DPY19L4: variants seen among roughly 807,000 people sequenced by gnomAD.
The protein encoded by DPY19L4 is dpy-19 like 4, also known as probable C-mannosyltransferase DPY19L4.
A neutral mutation model predicts 102.8 loss-of-function variants in DPY19L4; 97 were observed. The observed-to-expected ratio is 0.94, with a 90% confidence interval of 0.80 to 1.12. The LOEUF is 1.12. Among genes scored for constraint, DPY19L4 ranks in the 50% most tolerant of loss-of-function variants. The pLI is 0.00. For missense variants in DPY19L4, 815 were observed against 850.4 expected, an observed-to-expected ratio of 0.96 and a Z score of 0.52; for synonymous variants, 252 against 283.1, an observed-to-expected ratio of 0.89 and a Z score of 1.10.
Position 94,787,879 on chromosome 8 carries a change from A to G in DPY19L4, c.1849-15A>G. ...ATTATATTCTTTCAGTTTTATTTTA[A>G]TTATATTCTTTCAGATCTACCAAAT... On this transcript the variant is annotated splice_polypyrimidine_tract_variant and intron_variant, in intron 17 of 18. Transcript: ENST00000414645. 2.3e-6 allele frequency: 3 copies of G among 1,308,930 alleles called. No individual in the cohort carries two copies. The South Asian group carries it at 6.8e-5, about 30-fold the overall frequency. The allele number at this position is 1,308,930 out of a possible 1,614,324, so 81.1% of individuals were successfully genotyped here. A position where few individuals can be genotyped will look rare whatever the true frequency, so the allele number is the denominator to read the frequency against.
At chr8:94,764,973 C>T (rs1190219625) in intron 8 of DPY19L4, among the ~76,000 whole-genome samples, 1 of 151,216 alleles carries the variant, frequency 6.6e-6, no homozygotes, top group Non-Finnish European at 1.5e-5. Context: ...AATGATCCAC[C>T]CACTTTGGCC....
At chr8:94,721,147 T>G (rs1252210688) in intron 1 of DPY19L4, among the ~76,000 whole-genome samples, 1 of 152,206 alleles carries the variant, frequency 6.6e-6, no homozygotes, top group Non-Finnish European at 1.5e-5. Context: ...GGTTTCTCCA[T>G]GTTGGTCAGG....
At chr8:94,764,689 G>GTGTGTGTGTGTGTGTATATATATA (rs1415377058) in intron 8 of DPY19L4, among the ~76,000 whole-genome samples, 8 of 43,202 alleles carry the variant, frequency 1.9e-4, no homozygotes, top group African/African-American at 9.1e-4. Flanking sequence ...GTCTGTGTGT[G>GTGTGTGTGTGTGTGTATATATATA]TATATATATA....
rs139450326 is a variant in DPY19L4 at position 94,768,440 on chromosome 8, A to T, written c.1221A>T (p.Ala407=). The part of the protein sequence containing the change: ...NWLLCQESLQ[A]PSQDFFLRLT... Reference sequence around the variant, plus strand: ...TCCTCTGTCAAGAATCCCTGCAGGCACCATCTCAAGATTTTTTTCTGCGAT... The same window carrying T: ...TCCTCTGTCAAGAATCCCTGCAGGCTCCATCTCAAGATTTTTTTCTGCGAT... The change falls in exon 12 of 19, where the codon GCA becomes GCT. Residue 407 remains alanine (A), a synonymous_variant. Transcript: ENST00000414645. The T allele has an allele frequency of 8.7e-6, 14 of 1,609,660 alleles. No homozygotes were observed. The highest frequency in any genetic ancestry group is 1.2e-5 in the Non-Finnish European group (14 of 1,178,722).
At chr8:94,720,046 C>CT in intron 1 of DPY19L4, 32 bp downstream of exon 1, 1 of 1,525,086 alleles carries the variant, frequency 6.6e-7, no homozygotes, top group Non-Finnish European at 8.8e-7. Flanking sequence ...GCGCCAACGG[C>CT]TGCCAGTGGT....
chr8:94,739,910 T>G (rs1348220651), intron 6 of DPY19L4, 120 bp downstream of exon 6: 1 of 1,188,670 alleles, frequency 8.4e-7, no homozygotes, highest in Non-Finnish European at 1.2e-6. Context: ...ATGAATATGA[T>G]GAGATGCCAT....
Position 94,780,362 on chromosome 8 carries a change from C to T in DPY19L4, c.1579C>T (p.Leu527Phe). Residue 527 changes from leucine (L) to phenylalanine (F), a missense_variant, in exon 15 of 19, where the codon CTT becomes TTT. Physicochemically the swap from Leu to Phe is conservative, Grantham distance 22. Transcript: ENST00000414645. ...LRTVHPILLALILSMAVPTII... is the reference protein window; with the variant it reads ...LRTVHPILLAFILSMAVPTII... ...CCTTTTTGCTTTAATATTTTAGGCT[C>T]TTATTCTGAGCATGGCCGTGCCTAC... 6.8e-7 allele frequency: 1 copy of T among 1,473,566 alleles called. No homozygotes were observed. The highest frequency in any genetic ancestry group is 9.1e-7 in the Non-Finnish European group (1 of 1,096,058). The allele number at this position is 1,473,566 out of a possible 1,614,324, so 91.3% of individuals were successfully genotyped here. A position where few individuals can be genotyped will look rare whatever the true frequency, so the allele number is the denominator to read the frequency against.
intron 13 of DPY19L4, among the ~76,000 whole-genome samples, chr8:94,770,809 G>A (rs942084809): frequency 2.0e-5 from 3 of 151,764 alleles, no homozygotes; most frequent in Non-Finnish European, 4.4e-5. Context: ...AGGATCTCTC[G>A]AACCTGGGAG....
In DPY19L4 at chr8:94,761,798, C is replaced by G; in HGVS notation, c.834C>G (p.Phe278Leu). 6.2e-7 allele frequency: 1 copy of G among 1,611,028 alleles called. No individual in the cohort carries two copies. Among genetic ancestry groups the G allele is most frequent in the Non-Finnish European group, 8.5e-7 (1 of 1,178,856 alleles). Residue 278 changes from phenylalanine (F) to leucine (L), a missense_variant, in exon 8 of 19, where the codon TTC becomes TTG. Coordinates refer to ENST00000414645, the MANE Select transcript of DPY19L4 (RefSeq NM_181787.3). ...TGTTTCTTCAAGCAATATCTCTATT[C>G]CTGCTAGATACCTTTTCAGTGGAGC... is the stretch of plus-strand genomic sequence containing the variant. Reference protein sequence around the residue: ...YLLFLQAISLFLLDTFSVEQS... With the variant: ...YLLFLQAISLLLLDTFSVEQS...
At chr8:94,737,581 A>C (rs1811240970) in intron 3 of DPY19L4, among the ~76,000 whole-genome samples, 1 of 151,844 alleles carries the variant, frequency 6.6e-6, no homozygotes, top group African/African-American at 2.4e-5. Context: ...CAGGAGATTG[A>C]GACCATCCTG....
At chr8:94,729,104 C>T (rs1383747184) in intron 2 of DPY19L4, among the ~76,000 whole-genome samples, 5 of 151,926 alleles carry the variant, frequency 3.3e-5, no homozygotes, top group African/African-American at 4.8e-5. Flanking sequence ...GGCACGGTGG[C>T]TTAAGCCTGT....
Position 94,765,252 on chromosome 8 carries a change from G to C in DPY19L4, c.940G>C (p.Ala314Pro), listed in dbSNP as rs144794373. 456 of 1,609,862 alleles carry C rather than the reference G, an allele frequency of 2.8e-4. 3 individuals carry two copies. In the African/African-American group the frequency reaches 5.0e-3, roughly 18 times the overall value. ...ATATTTACTACAGTTTGAGAATCCA[G>C]CTTTGTTGGTATCTCCTTTATTAAG... is the stretch of plus-strand genomic sequence containing the variant. ...LGYLLQFENP[A>P]LLVSPLLSLV... is the part of the protein sequence containing the mutation. Residue 314 changes from alanine (A) to proline (P), a missense_variant, in exon 9 of 19, where the codon GCT becomes CCT. Ala to Pro is a conservative substitution (Grantham distance 27). Transcript: ENST00000414645.
At chr8:94,783,951 A>G in intron 17 of DPY19L4, 149 bp downstream of exon 17, 1 of 864,342 alleles carries the variant, frequency 1.2e-6, no homozygotes, top group Non-Finnish European at 1.7e-6. Flanking sequence ...AAACCTTTTT[A>G]ATTAATAATA....
In DPY19L4 at chr8:94,762,736, C is replaced by T. The variant is rs141041565; in HGVS notation, c.870+902C>T. ...GCAACATAGTGAGACCCTATCCCTA[C>T]AAAAAATTTTTAAAAATTAACTGGG... On this transcript the variant is annotated intron_variant, in intron 8 of 18. Coordinates refer to ENST00000414645, the MANE Select transcript of DPY19L4 (RefSeq NM_181787.3). Among the ~76,000 whole-genome samples, 201 of 152,026 alleles carry T rather than the reference C, an allele frequency of 1.3e-3. 1 individual carries two copies. Among genetic ancestry groups the T allele is most frequent in the Admixed American group, 2.8e-3 (43 of 15,254 alleles).
Position 94,766,720 on chromosome 8 carries a change from A to AAGTT in DPY19L4, c.1175+35_1175+36insAGTT, listed in dbSNP as rs1195096472. ...AGATTATGTAAGTTTACCTAAATCG[A>AAGTT]TACCACTTAGAAAATAAAGATAAAA... is the stretch of plus-strand genomic sequence containing the variant. On this transcript the variant is annotated intron_variant, in intron 11 of 18. Coordinates refer to ENST00000414645, the MANE Select transcript of DPY19L4 (RefSeq NM_181787.3). The AAGTT allele has an allele frequency of 6.4e-6, 10 of 1,552,962 alleles. No homozygotes were observed. In the African/African-American group the frequency reaches 6.8e-5, roughly 11 times the overall value.
chr8:94,776,190 G>A (rs1039069902), intron 13 of DPY19L4, among the ~76,000 whole-genome samples: 1 of 151,700 alleles, frequency 6.6e-6, no homozygotes, highest in African/African-American at 2.4e-5. Flanking sequence ...CCACCACCAT[G>A]CCCAGCTAAT....
intron 17 of DPY19L4, among the ~76,000 whole-genome samples, chr8:94,785,747 C>T (rs1479010264): frequency 6.6e-6 from 1 of 152,196 alleles, no homozygotes; most frequent in East Asian, 1.9e-4. Flanking sequence ...TGAGAGACAG[C>T]AGCCATCTCT....
chr8:94,739,975 T>G (rs1055456996), intron 6 of DPY19L4, among the ~76,000 whole-genome samples, 185 bp downstream of exon 6: 3 of 152,212 alleles, frequency 2.0e-5, no homozygotes, highest in Non-Finnish European at 4.4e-5. Context: ...AAGATTACCC[T>G]GTGGGCCTGG....
intron 2 of DPY19L4, among the ~76,000 whole-genome samples, chr8:94,730,749 T>C (rs1448830328): frequency 1.5e-5 from 2 of 137,750 alleles, no homozygotes; most frequent in Non-Finnish European, 3.2e-5. Flanking sequence ...CTGTCTCTTT[T>C]TTTTTTTTTT....
Sources: allele counts gnomAD v4.1 joint callset (sites outside exome capture counted in the v4.1 genomes callset), GRCh38; gene constraint gnomAD v4.1.1; transcripts MANE v1.5; gene names NCBI Gene and HGNC (gene_info 2026-07-23, HGNC 2026-07-21).